GADL1: variants seen among roughly 807,000 people sequenced by gnomAD.
The protein encoded by GADL1 is GAD like acidic amino acid decarboxylase 1.
Under a neutral mutation model 69.5 loss-of-function variants are expected in GADL1, and 71 were observed. The observed-to-expected ratio is 1.02, with a 90% CI of 0.84 to 1.25. GADL1 has a LOEUF of 1.25. Ranked by LOEUF, GADL1 falls within the 50% of genes most tolerant of loss-of-function variation. The pLI is 0.00. For synonymous variants in GADL1, 254 were observed against 214.4 expected (o/e 1.18, Z -1.62); for missense variants, 737 against 631.8 (o/e 1.17, Z -1.79).
chr3:30,745,195 A>G (rs6766125), intron 14 of GADL1, among the ~76,000 whole-genome samples: 37,405 of 152,144 alleles, frequency 0.25, 4,914 homozygotes, highest in Non-Finnish European at 0.29. Context: ...TCAGGACTCA[A>G]AGTAGATTAT....
chr3:30,794,297 G>GGC (rs1553639699), intron 12 of GADL1, among the ~76,000 whole-genome samples: 1 of 45,496 alleles, frequency 2.2e-5, no homozygotes, highest in Non-Finnish European at 4.1e-5. Context: ...TTCCTGAGCT[G>GGC]TTTGTTGTTG....
intron 11 of GADL1, among the ~76,000 whole-genome samples, chr3:30,805,734 C>CTT (rs34788058): frequency 0.18 from 11,822 of 65,594 alleles, 989 homozygotes; most frequent in African/African-American, 0.24. Flanking sequence ...AGTCCCCAGC[C>CTT]TTTTTTTTTT....
intron 12 of GADL1, among the ~76,000 whole-genome samples, chr3:30,789,217 G>A (rs1247081167): frequency 1.3e-5 from 2 of 152,198 alleles, no homozygotes; most frequent in East Asian, 1.9e-4. Flanking sequence ...TAGCAAGCAT[G>A]GAAACAATAT....
intron 14 of GADL1, among the ~76,000 whole-genome samples, chr3:30,760,668 T>C (rs903017348): frequency 1.3e-5 from 2 of 152,206 alleles, no homozygotes; most frequent in African/African-American, 4.8e-5. Flanking sequence ...TTCCAAAGGA[T>C]TTAGGCTAGT....
At chr3:30,760,011 ATCTCCTTTT>A (rs1553636292) in intron 14 of GADL1, among the ~76,000 whole-genome samples, 2 of 152,222 alleles carry the variant, frequency 1.3e-5, no homozygotes, top group Non-Finnish European at 2.9e-5. Context: ...GCTACCTAAT[ATCTCCTTTT>A]TACCTGCAGA....
intron 14 of GADL1, 99 bp from the exon 15 acceptor site, chr3:30,728,514 G>T: frequency 1.1e-6 from 1 of 872,830 alleles, no homozygotes. Context: ...GGCATCCACT[G>T]GTTTGGATCC....
chr3:30,771,058 AC>A (rs568528205), intron 14 of GADL1, among the ~76,000 whole-genome samples: 283 of 152,368 alleles, frequency 1.9e-3, no homozygotes, highest in African/African-American at 6.5e-3. Context: ...ACATGCGCAT[AC>A]AACAAGAATT....
At chr3:30,754,973 C>CA (rs1224795203) in intron 14 of GADL1, among the ~76,000 whole-genome samples, 2 of 151,700 alleles carry the variant, frequency 1.3e-5, no homozygotes, top group Non-Finnish European at 1.5e-5. Flanking sequence ...GGAAGCAGAC[C>CA]AAAACGGGGG....
chr3:30,767,608 C>CA (rs1259494760), intron 14 of GADL1, among the ~76,000 whole-genome samples: 1 of 151,818 alleles, frequency 6.6e-6, no homozygotes, highest in Non-Finnish European at 1.5e-5. Context: ...GATTTAAATA[C>CA]AAAAAATTGA....
At chr3:30,865,026 C>T (rs1360169640) in intron 1 of GADL1, among the ~76,000 whole-genome samples, 2 of 152,038 alleles carry the variant, frequency 1.3e-5, no homozygotes, top group Non-Finnish European at 1.5e-5. Context: ...AAGCTAACAT[C>T]CTTCTAATAA....
intron 6 of GADL1, among the ~76,000 whole-genome samples, chr3:30,848,551 T>A (rs1698092943): frequency 8.4e-6 from 1 of 118,350 alleles, no homozygotes; most frequent in Non-Finnish European, 1.7e-5. Flanking sequence ...GGATACCTGA[T>A]ATTATCTCAG....
chr3:30,754,957 C>A lies in GADL1; in HGVS notation c.1392+23222G>T, dbSNP rs2125480766. The stretch of plus-strand genomic sequence containing the variant: ...AAATATTGAAAAACCAAGAGACTTT[C>A]ACTGAGGAAGCAGACCAAAACGGGG... On this transcript the variant is annotated intron_variant, in intron 14 of 14. Transcript: ENST00000282538. Among the ~76,000 whole-genome samples, 2 of 152,170 alleles carry A rather than the reference C, an allele frequency of 1.3e-5. 1 individual carries two copies. The highest frequency in any genetic ancestry group is 6.8e-3 in the Middle Eastern group (2 of 294).
At chr3:30,863,184 T>C (rs1234939299) in intron 1 of GADL1, among the ~76,000 whole-genome samples, 1 of 152,010 alleles carries the variant, frequency 6.6e-6, no homozygotes, top group Non-Finnish European at 1.5e-5. Flanking sequence ...CTTAATTGTA[T>C]GTTTTAATTC....
chr3:30,835,254 G>A (rs182653024), intron 9 of GADL1, among the ~76,000 whole-genome samples: 38 of 152,136 alleles, frequency 2.5e-4, no homozygotes, highest in African/African-American at 8.9e-4. Flanking sequence ...CCAAACTGGG[G>A]AGTATAGCAT....
intron 14 of GADL1, among the ~76,000 whole-genome samples, chr3:30,764,941 G>T (rs1171086594): frequency 3.3e-5 from 5 of 152,116 alleles, no homozygotes; most frequent in African/African-American, 4.8e-5. Flanking sequence ...AAAGAGGGGG[G>T]ACATTTTCAT....
At chr3:30,729,961 A>G (rs761063815) in intron 14 of GADL1, among the ~76,000 whole-genome samples, 10 of 152,226 alleles carry the variant, frequency 6.6e-5, no homozygotes, top group Non-Finnish European at 1.0e-4. Flanking sequence ...ATGAGTGTAA[A>G]AGAAAAAATG....
At chr3:30,789,142 T>G (rs1696860824) in intron 12 of GADL1, among the ~76,000 whole-genome samples, 1 of 152,226 alleles carries the variant, frequency 6.6e-6, no homozygotes, top group African/African-American at 2.4e-5. Flanking sequence ...AAAACACATT[T>G]CTTAAATAAG....
rs758142696 is a variant in GADL1, at chr3:30,839,114, C to T, written c.787-1G>A. ...CACAGACAAGAAACGGTGCTGCCCC[C>T]TGTAAGAAGGATCCACACACACAAA... On this transcript the variant is annotated splice_acceptor_variant, in intron 8 of 14. Transcript: ENST00000282538. LOFTEE classifies it high-confidence loss of function. The T allele has an allele frequency of 1.3e-6, 2 of 1,547,170 alleles. No homozygotes were observed. Among genetic ancestry groups the T allele is most frequent in the Admixed American group, 2.0e-5 (1 of 49,890 alleles).
At chr3:30,744,557 T>A (rs1695671918) in intron 14 of GADL1, among the ~76,000 whole-genome samples, 1 of 151,788 alleles carries the variant, frequency 6.6e-6, no homozygotes, top group Admixed American at 6.6e-5. Context: ...CCAAAAACTT[T>A]AAAAAAATTA....
Sources: allele counts gnomAD v4.1 joint callset (sites outside exome capture counted in the v4.1 genomes callset), GRCh38; gene constraint gnomAD v4.1.1; transcripts MANE v1.5; gene names NCBI Gene and HGNC (gene_info 2026-07-23, HGNC 2026-07-21).